SEMA3D: variants seen among roughly 807,000 people sequenced by gnomAD.
SEMA3D encodes semaphorin 3D, also known as semaphorin-3D.
A neutral mutation model predicts 100.1 loss-of-function variants in SEMA3D; 84 were observed. The ratio of observed to expected loss-of-function variants is 0.84; its 90% CI spans 0.70 to 1.01. The LOEUF is 1.01. Ranked by LOEUF, SEMA3D falls within the 50% of genes least tolerant of loss-of-function variation. SEMA3D has a pLI of 0.00. For missense variants in SEMA3D, 875 were observed against 934.1 expected (o/e 0.94, Z 0.82); for synonymous variants, 312 against 320.7 (o/e 0.97, Z 0.29).
intron 1 of SEMA3D, chr7:85,157,710 A>T: frequency 1.1e-6 from 1 of 898,602 alleles, no homozygotes; most frequent in Non-Finnish European, 1.3e-6. Context: ...TCTGCTGGGC[A>T]GAGGTGTAGC....
At chr7:85,001,541 T>TC in intron 18 of SEMA3D, among the ~76,000 whole-genome samples, 1 of 152,142 alleles carries the variant, frequency 6.6e-6, no homozygotes, top group Non-Finnish European at 1.5e-5. Flanking sequence ...ATTGTTTTTT[T>TC]CCCTTAGATA....
intron 3 of SEMA3D, among the ~76,000 whole-genome samples, chr7:85,116,657 GT>G (rs1562824229): frequency 6.6e-6 from 1 of 151,598 alleles, no homozygotes; most frequent in East Asian, 1.9e-4. Context: ...TATGGTTATT[GT>G]TTTTGTGTCC....
intron 2 of SEMA3D, chr7:85,144,570 G>T: frequency 1.0e-6 from 1 of 985,020 alleles, no homozygotes; most frequent in Non-Finnish European, 1.2e-6. Flanking sequence ...CAACCATCAG[G>T]ATTTCCGTGA....
intron 9 of SEMA3D, chr7:85,050,490 C>T (rs909455971): frequency 3.3e-6 from 1 of 302,434 alleles, no homozygotes; most frequent in Non-Finnish European, 6.1e-6. Context: ...GAAATGTGCT[C>T]TACCATGTAT....
chr7:85,091,639 T>C (rs1244262603), intron 4 of SEMA3D, among the ~76,000 whole-genome samples: 1 of 152,080 alleles, frequency 6.6e-6, no homozygotes, highest in Non-Finnish European at 1.5e-5. Context: ...AAGTAGAGAA[T>C]GTTCACTTGT....
At chr7:85,204,664 A>G in the SEMA3D span, among the ~76,000 whole-genome samples, 1 of 152,084 alleles carries the variant, frequency 6.6e-6, no homozygotes, top group Non-Finnish European at 1.5e-5. Context: ...TGGTCAAGCT[A>G]AAAGGGAGCT....
In SEMA3D at chr7:85,061,429, C is replaced by G. The variant is rs10225668; in HGVS notation, c.718+3995G>C. On this transcript the variant is annotated intron_variant, in intron 8 of 18. Transcript: ENST00000284136. ...CACCTGTATCAAGAATTTTAAACCCCCTAAGTGCTTCGGTGATAAAAATGG... is the reference window on the plus strand; with the variant it reads ...CACCTGTATCAAGAATTTTAAACCCGCTAAGTGCTTCGGTGATAAAAATGG... Among the ~76,000 whole-genome samples, 1,169 of 152,192 alleles carry G rather than the reference C, an allele frequency of 7.7e-3. 16 individuals carry two copies. The highest frequency in any genetic ancestry group is 0.027 in the African/African-American group (1,102 of 41,522).
In SEMA3D at chr7:85,036,325, G is replaced by T. The variant is rs1038533182; in HGVS notation, c.1191+564C>A. On this transcript the variant is annotated intron_variant, in intron 12 of 18. Transcript: ENST00000284136. ...AAATACATTCTTACTTACATCATTT[G>T]TGCTTTAAACATGATTCATACTATT... Among the ~76,000 whole-genome samples, 6 of 151,838 alleles carry T rather than the reference G, an allele frequency of 4.0e-5. No homozygotes were observed. The East Asian group carries it at 5.8e-4, about 15-fold the overall frequency.
chr7:85,011,402 T>C (rs1789949664), intron 17 of SEMA3D, among the ~76,000 whole-genome samples: 1 of 151,754 alleles, frequency 6.6e-6, no homozygotes, highest in South Asian at 2.1e-4. Context: ...ATAGCATGAA[T>C]AGGGTATGGT....
chr7:85,063,093 C>T (rs4461846), intron 8 of SEMA3D, among the ~76,000 whole-genome samples: 26,156 of 151,936 alleles, frequency 0.17, 2,619 homozygotes, highest in African/African-American at 0.28. Flanking sequence ...ATAGACTTCC[C>T]GATATGATTT....
the SEMA3D span, among the ~76,000 whole-genome samples, chr7:85,194,839 G>T: frequency 6.6e-6 from 1 of 150,736 alleles, no homozygotes; most frequent in Non-Finnish European, 1.5e-5. Context: ...ATCTTTTCTG[G>T]TGTTTTTCCA....
Position 85,022,568 on chromosome 7 carries a change from A to C in SEMA3D, c.1237T>G (p.Phe413Val). Reference protein sequence around the residue: ...YDPLIKSTRDFPDDVISFIKR... With the variant: ...YDPLIKSTRDVPDDVISFIKR... Reference sequence around the variant, plus strand: ...ATGAAACTGATGACATCATCTGGAAAATCTCGGGTGGACTTAATCAGTGGG... The same window carrying C: ...ATGAAACTGATGACATCATCTGGAACATCTCGGGTGGACTTAATCAGTGGG... The change falls in exon 13 of 19, where the codon TTT becomes GTT. Residue 413 changes from phenylalanine (F) to valine (V), a missense_variant. By Grantham distance (50) the Phe-to-Val change is conservative. Coordinates refer to ENST00000284136, the MANE Select transcript of SEMA3D (RefSeq NM_001384900.1). 2 of 1,612,532 alleles carry C rather than the reference A, an allele frequency of 1.2e-6. No individual in the cohort carries two copies. Among genetic ancestry groups the C allele is most frequent in the African/African-American group, 1.3e-5 (1 of 74,906 alleles).
intron 8 of SEMA3D, among the ~76,000 whole-genome samples, chr7:85,059,007 T>C (rs1469062616): frequency 1.3e-5 from 2 of 152,150 alleles, no homozygotes; most frequent in Non-Finnish European, 2.9e-5. Context: ...CTAAAGAGAA[T>C]GCATAGCCAT....
chr7:85,150,369 T>TATATATA (rs1562836168), intron 2 of SEMA3D, among the ~76,000 whole-genome samples: 6 of 94,718 alleles, frequency 6.3e-5, no homozygotes, highest in African/African-American at 1.6e-4. Context: ...ATATATATAT[T>TATATATA]ATATATATAT....
intron 9 of SEMA3D, chr7:85,050,643 A>G: frequency 2.3e-6 from 1 of 427,198 alleles, no homozygotes; most frequent in Admixed American, 4.4e-5. Flanking sequence ...ATATCTCTTG[A>G]CCAAAATTTG....
In SEMA3D at chr7:85,015,356, T is replaced by C. The variant is rs550959367; in HGVS notation, c.1546-140A>G. The stretch of plus-strand genomic sequence containing the variant: ...CATTGTAAACACTTGTACAGAAACA[T>C]AATGAGGAGTAAAATAAGTCAATCA... On this transcript the variant is annotated intron_variant, in intron 15 of 18. Transcript: ENST00000284136. 1.1e-5 allele frequency: 7 copies of C among 634,778 alleles called. No individual in the cohort carries two copies. The South Asian group carries it at 1.5e-4, about 14-fold the overall frequency. 39.3% of individuals were successfully genotyped at this position (634,778 alleles called of 1,614,324 possible).
the SEMA3D span, among the ~76,000 whole-genome samples, chr7:85,216,402 T>C: frequency 2.6e-5 from 4 of 151,778 alleles, no homozygotes; most frequent in South Asian, 6.2e-4. Flanking sequence ...AAAATCATTG[T>C]AGTTTGTTGT....
At chr7:85,146,827 G>C (rs181601620) in intron 2 of SEMA3D, among the ~76,000 whole-genome samples, 2 of 152,004 alleles carry the variant, frequency 1.3e-5, no homozygotes, top group Admixed American at 6.6e-5. Context: ...GCTACAAAAG[G>C]ATGCTGCAGA....
At chr7:85,123,091 A>T (rs1274079159) in intron 2 of SEMA3D, among the ~76,000 whole-genome samples, 1 of 152,170 alleles carries the variant, frequency 6.6e-6, no homozygotes. Context: ...ATTGAGGTAC[A>T]GAGTTAAATA....
Sources: gnomAD v4.1 joint callset for allele counts (sites outside exome capture counted in the v4.1 genomes callset) on GRCh38, gnomAD v4.1.1 for gene constraint, MANE v1.5 for transcripts, NCBI Gene and HGNC (gene_info 2026-07-23, HGNC 2026-07-21) for gene names.